Variants in DNAJC11 observed in about 807,000 individuals in gnomAD.
The protein encoded by DNAJC11 is dnaJ homolog subfamily C member 11.
In DNAJC11, 15 loss-of-function variants were observed where a neutral mutation model predicts 78.6. That is an observed-to-expected ratio of 0.19 (90% confidence interval 0.13 to 0.29). The LOEUF is 0.29. Among genes scored for constraint, DNAJC11 ranks in the 10% least tolerant of loss-of-function variants. The pLI is 1.00. For synonymous variants in DNAJC11, 292 were observed against 272.1 expected, an observed-to-expected ratio of 1.07 and a Z score of -0.72; for missense variants, 547 against 709.6, an observed-to-expected ratio of 0.77 and a Z score of 2.60.
chr1:6,668,352 G>T (rs1642324417), intron 3 of DNAJC11: 1 of 152,600 alleles, frequency 6.6e-6, no homozygotes, highest in Non-Finnish European at 1.5e-5. Context: ...TGTTACCCAG[G>T]ATGGTCTCAA....
chr1:6,644,494 G>T, intron 10 of DNAJC11, 64 bp downstream of exon 10: 1 of 1,205,622 alleles, frequency 8.3e-7, no homozygotes, highest in Non-Finnish European at 1.2e-6. Context: ...CTTAACTTGG[G>T]TAAAGCCTGG....
At chr1:6,648,758 C>T (rs955436393) in intron 7 of DNAJC11, among the ~76,000 whole-genome samples, 4 of 152,144 alleles carry the variant, frequency 2.6e-5, no homozygotes, top group Non-Finnish European at 5.9e-5. Context: ...ACCCTGCCCC[C>T]GAGGCGGCTT....
chr1:6,654,170 G>A lies in DNAJC11; in HGVS notation c.379-131C>T, dbSNP rs1642095268. 4.4e-6 allele frequency: 5 copies of A among 1,125,450 alleles called. No individual in the cohort carries two copies. The East Asian group carries it at 1.4e-4, about 31-fold the overall frequency. The allele number at this position is 1,125,450 out of a possible 1,614,324, so 69.7% of individuals were successfully genotyped here. Reference sequence around the variant, plus strand: ...CTTCAGGGTTCACTGGGTTTAGGTAGGACACTCCACCAGGAAGCCCACAAA... The same window carrying A: ...CTTCAGGGTTCACTGGGTTTAGGTAAGACACTCCACCAGGAAGCCCACAAA... On this transcript the variant is annotated intron_variant, in intron 4 of 15. Transcript: ENST00000377577.
chr1:6,643,291 T>C (rs1641908176), intron 10 of DNAJC11, among the ~76,000 whole-genome samples: 1 of 151,448 alleles, frequency 6.6e-6, no homozygotes, highest in Non-Finnish European at 1.5e-5. Flanking sequence ...TTTTTTTTTT[T>C]TTTGAGTGGA....
Position 6,687,358 on chromosome 1 carries a change from T to C in DNAJC11, c.73-6321A>G, listed in dbSNP as rs939902439. Among the ~76,000 whole-genome samples the C allele has an allele frequency of 7.4e-5, 11 of 148,096 alleles. No individual in the cohort carries two copies. In the East Asian group the frequency reaches 1.2e-3, roughly 16 times the overall value. ...AGGCTTTACACAATACAGTCCCTTTTTTTTTTTTTTTTTTTTGAGACAGAG... is the reference window on the plus strand; with the variant it reads ...AGGCTTTACACAATACAGTCCCTTTCTTTTTTTTTTTTTTTTGAGACAGAG... On this transcript the variant is annotated intron_variant, in intron 1 of 15. Coordinates refer to ENST00000377577, the MANE Select transcript of DNAJC11 (RefSeq NM_018198.4).
At chr1:6,651,808 C>A (rs530150515) in intron 6 of DNAJC11, among the ~76,000 whole-genome samples, 1 of 152,342 alleles carries the variant, frequency 6.6e-6, no homozygotes, top group Admixed American at 6.5e-5. Flanking sequence ...CCAAAGGAGA[C>A]CCAGGCTTCA....
chr1:6,653,770 CTTTT>C lies in DNAJC11; in HGVS notation c.507+137_507+140del. On this transcript the variant is annotated intron_variant, in intron 5 of 15. Transcript: ENST00000377577. This position sits in a 1 kb window ranked among gnomAD's most constrained non-coding sequence, Gnocchi z 4.5. ...CACACGGCTGGGAATGAAGCGCTTT[CTTTT>C]TTAAGTGGCTAATTGCATCCTTTCA... 3 of 1,179,992 alleles carry C rather than the reference CTTTT, an allele frequency of 2.5e-6. No individual in the cohort carries two copies. The highest frequency in any genetic ancestry group is 1.5e-5 in the African/African-American group (1 of 64,644). The allele number at this position is 1,179,992 out of a possible 1,614,324, so 73.1% of individuals were successfully genotyped here. A position where few individuals can be genotyped will look rare whatever the true frequency, so the allele number is the denominator to read the frequency against.
chr1:6,699,008 T>C (rs1272046257), intron 1 of DNAJC11, among the ~76,000 whole-genome samples: 1 of 150,578 alleles, frequency 6.6e-6, no homozygotes, highest in Admixed American at 6.6e-5. Flanking sequence ...TTAAGTCTAA[T>C]AACAGTGACA....
chr1:6,667,768 A>T lies in DNAJC11; in HGVS notation c.319T>A (p.Phe107Ile). Residue 107 changes from phenylalanine (F) to isoleucine (I), a missense_variant, in exon 4 of 16, where the codon TTT (phenylalanine) becomes ATT (isoleucine). Physicochemically the swap from Phe to Ile is conservative, Grantham distance 21 (BLOSUM62 0). Coordinates refer to ENST00000377577, the MANE Select transcript of DNAJC11 (RefSeq NM_018198.4). ...RRTPAEIREE[F>I]ERLQREREER... The stretch of plus-strand genomic sequence containing the variant: ...TCTCTCTCTCTCTGCAGCCGCTCAA[A>T]CTCCTCTCGAATTTCAGCAGGGGTT... 6.2e-7 allele frequency: 1 copy of T among 1,613,868 alleles called. No homozygotes were observed. The highest frequency in any genetic ancestry group is 1.1e-5 in the South Asian group (1 of 91,066).
At chr1:6,688,918 C>T (rs1642699419) in intron 1 of DNAJC11, among the ~76,000 whole-genome samples, 1 of 152,212 alleles carries the variant, frequency 6.6e-6, no homozygotes, top group African/African-American at 2.4e-5. Context: ...GTGCCTGGCA[C>T]TGTGCAGGGG....
chr1:6,649,092 A>G (rs1642012815), intron 7 of DNAJC11, among the ~76,000 whole-genome samples: 1 of 152,084 alleles, frequency 6.6e-6, no homozygotes, highest in Non-Finnish European at 1.5e-5. Context: ...TCCCGGGTTC[A>G]AGCAATCCTC....
intron 1 of DNAJC11, among the ~76,000 whole-genome samples, chr1:6,688,158 G>A (rs1405165191): frequency 2.0e-5 from 3 of 152,182 alleles, no homozygotes; most frequent in African/African-American, 7.2e-5. Flanking sequence ...CCCAGCGAAA[G>A]GGAAAAGCCA....
intron 1 of DNAJC11, among the ~76,000 whole-genome samples, chr1:6,685,722 C>T (rs919645331): frequency 6.6e-6 from 1 of 152,194 alleles, no homozygotes; most frequent in African/African-American, 2.4e-5. Context: ...TCTCTGGAAC[C>T]CACCTTTGTT....
chr1:6,700,557 A>T (rs1422953522), intron 1 of DNAJC11, among the ~76,000 whole-genome samples: 3 of 152,126 alleles, frequency 2.0e-5, no homozygotes, highest in Non-Finnish European at 4.4e-5. Context: ...TAGTAGTGTG[A>T]CTTTAGACAC....
At chr1:6,657,032 G>C (rs1233453588) in intron 4 of DNAJC11, among the ~76,000 whole-genome samples, 4 of 152,114 alleles carry the variant, frequency 2.6e-5, no homozygotes, top group Admixed American at 6.6e-5. Flanking sequence ...ACACACTGTG[G>C]AAGTCAGATC....
chr1:6,689,772 G>A (rs1399328842), intron 1 of DNAJC11, among the ~76,000 whole-genome samples: 10 of 148,996 alleles, frequency 6.7e-5, no homozygotes, highest in Admixed American at 5.3e-4. Flanking sequence ...GCGAAACTCC[G>A]TCAAAAAAAA....
At chr1:6,676,535 C>T (rs531489038) in intron 3 of DNAJC11, among the ~76,000 whole-genome samples, 37 of 152,044 alleles carry the variant, frequency 2.4e-4, no homozygotes, top group African/African-American at 8.4e-4. Context: ...TAAAAATTAG[C>T]TAGGCATGGT....
Position 6,652,904 on chromosome 1 carries a change from T to A in DNAJC11, c.555A>T (p.Ser185=), listed in dbSNP as rs535588845. ...AACCTCCTCCATTTCCATTCTGGGT[T>A]GAGAGGCTTCCAGAGAGGATGGCTG... ...TDTAILSGSL[S]TQNGNGGGSI... Residue 185 remains serine, a synonymous_variant, in exon 6 of 16, where the codon TCA becomes TCT. Coordinates refer to ENST00000377577, the MANE Select transcript of DNAJC11 (RefSeq NM_018198.4). 1 of 1,614,186 alleles carries A rather than the reference T, an allele frequency of 6.2e-7. No individual in the cohort carries two copies. Among genetic ancestry groups the A allele is most frequent in the South Asian group, 1.1e-5 (1 of 91,088 alleles).
chr1:6,635,506 CA>C lies in DNAJC11; in HGVS notation c.*168del. 1.4e-6 allele frequency: 1 copy of C among 731,718 alleles called. No homozygotes were observed. The highest frequency in any genetic ancestry group is 2.2e-6 in the Non-Finnish European group (1 of 450,704). The allele number at this position is 731,718 out of a possible 1,614,324, so 45.3% of individuals were successfully genotyped here. On this transcript the variant is annotated 3_prime_UTR_variant, in exon 16 of 16. Coordinates refer to ENST00000377577, the MANE Select transcript of DNAJC11 (RefSeq NM_018198.4). ...GCCTCAGTCCTACCCCCAGCACCCT[CA>C]AAAGCTGGGGTGTCTGCATGTCCCT...
Sources: gnomAD v4.1 joint callset for allele counts (sites outside exome capture counted in the v4.1 genomes callset) on GRCh38, gnomAD v4.1.1 for gene constraint, Gnocchi (gnomAD v3.1) non-coding constraint, MANE v1.5 for transcripts, NCBI Gene and HGNC (gene_info 2026-07-23, HGNC 2026-07-21) for gene names.